Variants in RHCE observed in about 807,000 individuals in gnomAD.
RHCE encodes the protein blood group Rh(CE) polypeptide.
Under a neutral mutation model 43.8 loss-of-function variants are expected in RHCE, and 22 were observed. The observed-to-expected ratio is 0.50, with a 90% confidence interval of 0.36 to 0.72. The LOEUF (loss-of-function observed/expected upper bound fraction) is 0.72, where lower values mean the gene tolerates loss of function less well. Ranked by LOEUF, RHCE falls within the 30% of genes least tolerant of loss-of-function variation. The pLI is 0.00. For missense variants in RHCE, 385 were observed against 525.4 expected (o/e 0.73, Z 2.61); for synonymous variants, 156 against 210.7 (o/e 0.74, Z 2.25).
intron 7 of RHCE, among the ~76,000 whole-genome samples, chr1:25,381,159 G>A (rs1221310141): frequency 6.6e-6 from 1 of 151,978 alleles, no homozygotes; most frequent in Non-Finnish European, 1.5e-5. Context: ...CTACAACATG[G>A]GTGACCTACG....
rs1165519853 is a variant in RHCE at position 25,411,326 on chromosome 1, C to T, written c.149-2457G>A. 5.2e-6 allele frequency: 8 copies of T among 1,550,160 alleles called. No individual in the cohort carries two copies. In the East Asian group the frequency reaches 2.0e-4, roughly 38 times the overall value. ...ATCAACATCATCATGACAATCACAGCAATAGGAACTCACCTGCCACTGGTC... is the reference window on the plus strand; with the variant it reads ...ATCAACATCATCATGACAATCACAGTAATAGGAACTCACCTGCCACTGGTC... On this transcript the variant is annotated intron_variant, in intron 1 of 9. Transcript: ENST00000294413.
At chr1:25,421,358 A>G (rs191216156), upstream of RHCE, among the ~76,000 whole-genome samples, 1 of 152,366 alleles carries the variant, frequency 6.6e-6, no homozygotes, top group East Asian at 1.9e-4. Context: ...TCATAGTTAC[A>G]CAGTTGAAAT....
At chr1:25,381,612 G>C (rs1211794234) in intron 7 of RHCE, among the ~76,000 whole-genome samples, 1 of 151,444 alleles carries the variant, frequency 6.6e-6, no homozygotes. Flanking sequence ...GTGCGCCAGA[G>C]TGCCCAGCTA....
intron 6 of RHCE, among the ~76,000 whole-genome samples, chr1:25,387,302 T>C (rs189130539): frequency 6.6e-6 from 1 of 152,348 alleles, no homozygotes; most frequent in Non-Finnish European, 1.5e-5. Context: ...CCGTTTCCTC[T>C]GCTCCAGGAA....
chr1:25,380,970 C>T lies in RHCE; in HGVS notation c.1073+4741G>A, dbSNP rs183843283. Among the ~76,000 whole-genome samples, 1,017 of 145,076 alleles carry T rather than the reference C, an allele frequency of 7.0e-3. 15 individuals are homozygous for T. Among genetic ancestry groups the T allele is most frequent in the African/African-American group, 0.024 (937 of 38,426 alleles). ...AGGCTGGAGTGCAGTGGCGCGATCT[C>T]GGCTCACTGCAAGCTCTGCCTCCCG... On this transcript the variant is annotated intron_variant, in intron 7 of 9. Transcript: ENST00000294413.
intron 7 of RHCE, among the ~76,000 whole-genome samples, chr1:25,381,672 G>A (rs1443951353): frequency 6.6e-6 from 1 of 151,708 alleles, no homozygotes; most frequent in Non-Finnish European, 1.5e-5. Context: ...TAGCCAGGCT[G>A]GTCTCGAACT....
chr1:25,420,569 G>A, intron 1 of RHCE, 70 bp downstream of exon 1: 2 of 1,613,580 alleles, frequency 1.2e-6, no homozygotes, highest in Admixed American at 1.7e-5. Context: ...TGCCCCTGGA[G>A]AACCATAGGC....
intron 3 of RHCE, among the ~76,000 whole-genome samples, chr1:25,395,751 T>C (rs994009976): frequency 3.3e-5 from 5 of 152,162 alleles, no homozygotes; most frequent in Non-Finnish European, 1.5e-5. Flanking sequence ...GATGAGTGGA[T>C]GAACAGAGAA....
intron 3 of RHCE, among the ~76,000 whole-genome samples, chr1:25,394,254 G>A (rs187318458): frequency 3.3e-5 from 5 of 152,048 alleles, no homozygotes; most frequent in South Asian, 2.1e-4. Context: ...CTCCCAAAGC[G>A]CTGGGATTAC....
At chr1:25,399,789 T>G (rs1439823986) in intron 3 of RHCE, among the ~76,000 whole-genome samples, 1 of 152,136 alleles carries the variant, frequency 6.6e-6, no homozygotes, top group Non-Finnish European at 1.5e-5. Context: ...GATACAGAAG[T>G]TCCATTTAAG....
At chr1:25,422,978 C>T (rs766512135), upstream of RHCE, among the ~76,000 whole-genome samples, 22 of 152,258 alleles carry the variant, frequency 1.4e-4, no homozygotes, top group East Asian at 5.8e-4. Context: ...CGCTGGCCTA[C>T]CCCTCATGCT....
chr1:25,368,917 C>T (rs1290802927), intron 9 of RHCE, among the ~76,000 whole-genome samples: 5 of 151,890 alleles, frequency 3.3e-5, no homozygotes, highest in African/African-American at 9.7e-5. Context: ...GCTGCCACCA[C>T]GCCTGGCTAA....
chr1:25,389,080 C>T lies in RHCE; in HGVS notation c.835G>A (p.Val279Met), dbSNP rs754302538. Reference sequence around the variant, plus strand: ...AGGTGACACGAGGTACCCACAGCCACGCCTCCTGCCAACACCGCACTGTGC... The same window carrying T: ...AGGTGACACGAGGTACCCACAGCCATGCCTCCTGCCAACACCGCACTGTGC... The part of the protein sequence containing the change: ...YVHSAVLAGG[V>M]AVGTSCHLIP... Residue 279 changes from valine to methionine, a missense_variant, in exon 6 of 10, where the codon GTG (valine) becomes ATG (methionine). Transcript: ENST00000294413. The T allele has an allele frequency of 1.3e-5, 21 of 1,614,036 alleles. No homozygotes were observed. Among genetic ancestry groups the T allele is most frequent in the African/African-American group, 4.0e-5 (3 of 74,926 alleles).
At chr1:25,375,598 C>T (rs1490101020) in intron 7 of RHCE, among the ~76,000 whole-genome samples, 170 bp from the exon 8 acceptor site, 1 of 147,690 alleles carries the variant, frequency 6.8e-6, no homozygotes, top group Admixed American at 6.7e-5. Flanking sequence ...AAAAGCCACG[C>T]AGACATGTGG....
At chr1:25,425,074 C>T (rs181049772), upstream of RHCE, among the ~76,000 whole-genome samples, 10 of 152,100 alleles carry the variant, frequency 6.6e-5, no homozygotes, top group African/African-American at 1.9e-4. Flanking sequence ...ACCTTGGCCT[C>T]GCAAAGTACT....
chr1:25,404,698 C>T (rs1646861415), intron 2 of RHCE, among the ~76,000 whole-genome samples: 1 of 151,826 alleles, frequency 6.6e-6, no homozygotes, highest in South Asian at 2.1e-4. Context: ...TTGACTCAGA[C>T]ACTTTCTGGC....
rs986746313 is a variant in RHCE, at chr1:25,410,039, G to C, written c.149-1170C>G. On this transcript the variant is annotated intron_variant, in intron 1 of 9. Transcript: ENST00000294413. ...AGCCTCCCAAGTAGCTGGGATTACA[G>C]GTGCCCACCACCGTGCCCGGCTAAT... Among the ~76,000 whole-genome samples the C allele has an allele frequency of 2.6e-5, 4 of 151,996 alleles. No homozygotes were observed. The South Asian group carries it at 6.2e-4, about 24-fold the overall frequency.
chr1:25,419,079 G>A (rs916581349), intron 1 of RHCE, among the ~76,000 whole-genome samples: 1 of 152,184 alleles, frequency 6.6e-6, no homozygotes, highest in African/African-American at 2.4e-5. Context: ...CTAGCTGAGC[G>A]ACCTTGGGCA....
chr1:25,407,545 T>A (rs1284123073), intron 2 of RHCE, among the ~76,000 whole-genome samples: 1 of 123,364 alleles, frequency 8.1e-6, no homozygotes, highest in African/African-American at 2.5e-5. Flanking sequence ...TAGCAGGGTC[T>A]TAGAAGGGGA....
Sources: gnomAD v4.1 joint callset for allele counts (sites outside exome capture counted in the v4.1 genomes callset) on GRCh38, gnomAD v4.1.1 for gene constraint, MANE v1.5 for transcripts, NCBI Gene and HGNC (gene_info 2026-07-23, HGNC 2026-07-21) for gene names.